The following C12orf75 variants were observed in gnomAD, a reference collection of about 807,000 sequenced individuals.
C12orf75 encodes the protein overexpressed in colon carcinoma 1 protein.
C12orf75 carries 4 observed loss-of-function variants against 11.4 expected under a neutral mutation model. The ratio of observed to expected loss-of-function variants is 0.35; its 90% CI spans 0.17 to 0.80. C12orf75 has a LOEUF of 0.80. Among genes scored for constraint, C12orf75 ranks in the 30% least tolerant of loss-of-function variants. The pLI, the probability that C12orf75 is intolerant of heterozygous loss-of-function variation, is 0.52. For missense variants in C12orf75, 89 were observed against 80.4 expected, an observed-to-expected ratio of 1.11 and a Z score of -0.41; for synonymous variants, 30 against 30.0, an observed-to-expected ratio of 1.00 and a Z score of 0.00.
chr12:105,333,849 A>G (rs528363506), intron 1 of C12orf75, among the ~76,000 whole-genome samples: 1 of 152,296 alleles, frequency 6.6e-6, no homozygotes, highest in Non-Finnish European at 1.5e-5. Context: ...ATATTTTTTG[A>G]TGCATTAACA....
intron 1 of C12orf75, among the ~76,000 whole-genome samples, chr12:105,340,961 A>T (rs544788603): frequency 5.9e-5 from 9 of 152,264 alleles, no homozygotes; most frequent in African/African-American, 2.2e-4. Context: ...CTCTGGAAGG[A>T]GTTTGGATCT....
intron 5 of C12orf75, among the ~76,000 whole-genome samples, chr12:105,368,711 A>G (rs1304967034): frequency 1.3e-5 from 2 of 152,170 alleles, no homozygotes; most frequent in Non-Finnish European, 2.9e-5. Context: ...GGTAGAGACA[A>G]ACAAACTTAC....
intron 2 of C12orf75, among the ~76,000 whole-genome samples, chr12:105,354,892 G>C (rs770255539): frequency 6.6e-6 from 1 of 152,204 alleles, no homozygotes; most frequent in African/African-American, 2.4e-5. Context: ...CTGATGGATA[G>C]GGAGGACGGG....
In C12orf75 at chr12:105,348,607, G is replaced by T. The variant is rs867493752; in HGVS notation, c.52G>T (p.Ala18Ser). ...ATSAGAGQGPAGAAKDVTEES... is the reference protein window; with the variant it reads ...ATSAGAGQGPSGAAKDVTEES... ...TATCTTCTTTTTTTCTCTAGGCCCT[G>T]CAGGAGCAGCCAAAGATGTGTAAGT... The change falls in exon 2 of 6, where the codon GCA becomes TCA. Residue 18 changes from alanine to serine, a missense_variant. Coordinates refer to ENST00000443585, the MANE Select transcript of C12orf75 (RefSeq NM_001145199.2). 6 of 1,537,570 alleles carry T rather than the reference G, an allele frequency of 3.9e-6. No individual in the cohort carries two copies. In the African/African-American group the frequency reaches 6.9e-5, roughly 18 times the overall value.
At chr12:105,364,385 T>C (rs1412725154) in intron 2 of C12orf75, among the ~76,000 whole-genome samples, 1 of 152,214 alleles carries the variant, frequency 6.6e-6, no homozygotes, top group Non-Finnish European at 1.5e-5. Flanking sequence ...GAATTTAGGT[T>C]ATATGCTCAG....
At chr12:105,361,699 G>A (rs965894394) in intron 2 of C12orf75, among the ~76,000 whole-genome samples, 1 of 152,092 alleles carries the variant, frequency 6.6e-6, no homozygotes, top group Non-Finnish European at 1.5e-5. Flanking sequence ...TTACGCTAAA[G>A]CTTGTGCAGG....
At chr12:105,334,634 G>A (rs542382673) in intron 1 of C12orf75, among the ~76,000 whole-genome samples, 11 of 152,272 alleles carry the variant, frequency 7.2e-5, no homozygotes, top group South Asian at 2.1e-4. Flanking sequence ...GAGAAACATC[G>A]GGATTGAATA....
chr12:105,337,193 G>T (rs986839848), intron 1 of C12orf75, among the ~76,000 whole-genome samples: 6 of 151,932 alleles, frequency 3.9e-5, no homozygotes, highest in Admixed American at 2.0e-4. Flanking sequence ...GCGTGGTGGC[G>T]CACACCTGTA....
intron 2 of C12orf75, among the ~76,000 whole-genome samples, chr12:105,355,044 A>T (rs1269397597): frequency 6.6e-6 from 1 of 152,144 alleles, no homozygotes; most frequent in Admixed American, 6.5e-5. Context: ...AGTTCCAGGA[A>T]CTATACTCCA....
At chr12:105,360,712 C>T (rs982081882) in intron 2 of C12orf75, among the ~76,000 whole-genome samples, 5 of 152,050 alleles carry the variant, frequency 3.3e-5, no homozygotes, top group Non-Finnish European at 5.9e-5. Context: ...AGTGCAGTGG[C>T]GTGATCTCAG....
intron 1 of C12orf75, among the ~76,000 whole-genome samples, chr12:105,335,486 C>G (rs1334423114): frequency 6.6e-6 from 1 of 152,166 alleles, no homozygotes; most frequent in Non-Finnish European, 1.5e-5. Flanking sequence ...TCTTTCTATT[C>G]TTTAAACATG....
intron 1 of C12orf75, among the ~76,000 whole-genome samples, chr12:105,341,549 C>G (rs1019921044): frequency 1.3e-5 from 2 of 152,158 alleles, no homozygotes; most frequent in African/African-American, 4.8e-5. Flanking sequence ...TAGAATAGCT[C>G]ACAGGACTCA....
At chr12:105,336,524 G>C (rs1892501575) in intron 1 of C12orf75, among the ~76,000 whole-genome samples, 1 of 152,202 alleles carries the variant, frequency 6.6e-6, no homozygotes, top group South Asian at 2.1e-4. Flanking sequence ...GAAAGACACA[G>C]CTGGTGTAGA....
At chr12:105,350,837 T>C (rs148071460) in intron 2 of C12orf75, among the ~76,000 whole-genome samples, 245 of 152,302 alleles carry the variant, frequency 1.6e-3, no homozygotes, top group South Asian at 3.7e-3. Flanking sequence ...ATCTTTCTTT[T>C]TCTAATAAAA....
intron 2 of C12orf75, chr12:105,353,569 A>G (rs1892740761): frequency 6.6e-6 from 1 of 152,128 alleles, no homozygotes. Flanking sequence ...GCCGTTACCA[A>G]AAAAAAGGGG....
intron 1 of C12orf75, among the ~76,000 whole-genome samples, chr12:105,344,590 AAAAC>A (rs1310393057): frequency 6.6e-6 from 1 of 152,142 alleles, no homozygotes; most frequent in African/African-American, 2.4e-5. Context: ...TAAAAATACA[AAAAC>A]AGTTAGCTGG....
intron 2 of C12orf75, among the ~76,000 whole-genome samples, chr12:105,354,359 G>T (rs2136147323): frequency 6.6e-6 from 1 of 152,302 alleles, no homozygotes; most frequent in East Asian, 1.9e-4. Context: ...ACTGAGGACT[G>T]TGCACCATAC....
At chr12:105,344,263 C>G (rs1183039732) in intron 1 of C12orf75, among the ~76,000 whole-genome samples, 1 of 152,194 alleles carries the variant, frequency 6.6e-6, no homozygotes. Context: ...TTACTAGATG[C>G]TGAAACAAAG....
intron 1 of C12orf75, among the ~76,000 whole-genome samples, chr12:105,339,577 G>C (rs1269786609): frequency 2.6e-5 from 4 of 151,598 alleles, no homozygotes; most frequent in Non-Finnish European, 5.9e-5. Context: ...GGTCATAAAA[G>C]GTATTAATGG....
Sources: gnomAD v4.1 joint callset for allele counts (sites outside exome capture counted in the v4.1 genomes callset) on GRCh38, gnomAD v4.1.1 for gene constraint, MANE v1.5 for transcripts, NCBI Gene and HGNC (gene_info 2026-07-23, HGNC 2026-07-21) for gene names.